CADPS: variants seen among roughly 807,000 people sequenced by gnomAD.
The protein encoded by CADPS is calcium-dependent secretion activator 1.
In CADPS, 57 loss-of-function variants were observed where a neutral mutation model predicts 167.3. That is an observed-to-expected ratio of 0.34 (90% confidence interval 0.28 to 0.42). The LOEUF (loss-of-function observed/expected upper bound fraction) is 0.42, where lower values mean the gene tolerates loss of function less well. CADPS is among the 20% of genes least tolerant of loss of function. The pLI, the probability that CADPS is intolerant of heterozygous loss-of-function variation, is 1.00. For missense variants in CADPS, 1,414 were observed against 1,738.1 expected (o/e 0.81, Z 3.32); for synonymous variants, 676 against 635.3 (o/e 1.06, Z -0.96).
intron 3 of CADPS, among the ~76,000 whole-genome samples, chr3:62,674,237 G>A (rs766157852): frequency 7.2e-5 from 11 of 152,082 alleles, no homozygotes; most frequent in Non-Finnish European, 1.2e-4. Flanking sequence ...TTAAAACTGA[G>A]GTGAATTAAT....
chr3:62,442,315 G>A (rs1162174084), intron 27 of CADPS, among the ~76,000 whole-genome samples: 1 of 151,496 alleles, frequency 6.6e-6, no homozygotes, highest in East Asian at 2.0e-4. Flanking sequence ...AGGTTCAAGT[G>A]ATTCTCCTGC....
intron 3 of CADPS, among the ~76,000 whole-genome samples, chr3:62,701,092 T>C (rs1348096164): frequency 6.6e-6 from 1 of 151,968 alleles, no homozygotes; most frequent in Non-Finnish European, 1.5e-5. Flanking sequence ...CCTAATTATC[T>C]CCCAAAGGCC....
At chr3:62,749,017 TCAACTCAAATAGCTA>T (rs139333263) in intron 3 of CADPS, among the ~76,000 whole-genome samples, 2,625 of 152,312 alleles carry the variant, frequency 0.017, 82 homozygotes, top group African/African-American at 0.059. Context: ...CCTTTAGAAT[TCAACTCAAATAGCTA>T]CATAATTGAC....
intron 17 of CADPS, among the ~76,000 whole-genome samples, chr3:62,500,889 A>G (rs147508197): frequency 4.4e-4 from 67 of 152,324 alleles, no homozygotes; most frequent in African/African-American, 1.3e-3. Context: ...AGGATTTAAT[A>G]ATGAAAAATA....
intron 1 of CADPS, among the ~76,000 whole-genome samples, chr3:62,784,080 T>G (rs894426869): frequency 6.6e-6 from 1 of 152,200 alleles, no homozygotes; most frequent in African/African-American, 2.4e-5. Flanking sequence ...ATGATGACGC[T>G]TATCTTACCG....
intron 26 of CADPS, among the ~76,000 whole-genome samples, chr3:62,456,573 A>T (rs942074998): frequency 2.0e-5 from 3 of 152,168 alleles, no homozygotes; most frequent in Admixed American, 2.0e-4. Context: ...TGAAAAGAGA[A>T]TTAGAAAAAT....
At chr3:62,750,931 C>T (rs150888431) in intron 3 of CADPS, among the ~76,000 whole-genome samples, 217 of 152,164 alleles carry the variant, frequency 1.4e-3, no homozygotes, top group African/African-American at 4.8e-3. Context: ...TCCATTTTTT[C>T]ACTATCATAT....
intron 1 of CADPS, among the ~76,000 whole-genome samples, chr3:62,783,879 G>C (rs1351464852): frequency 2.0e-5 from 3 of 152,064 alleles, no homozygotes; most frequent in Non-Finnish European, 1.5e-5. Context: ...CTGAGAGAAG[G>C]AGAGAAATAC....
At position 62,465,559 on chromosome 3, in the gene CADPS, T is replaced by C. The variant is rs929453886; in HGVS notation, c.3553-109A>G. The C allele has an allele frequency of 1.5e-6, 1 of 657,400 alleles. No homozygotes were observed. The highest frequency in any genetic ancestry group is 2.8e-5 in the Admixed American group (1 of 35,438). 40.7% of individuals were successfully genotyped at this position (657,400 alleles called of 1,614,324 possible). On this transcript the variant is annotated intron_variant, in intron 25 of 29. Coordinates refer to ENST00000383710, the MANE Select transcript of CADPS (RefSeq NM_003716.4). This position sits in a 1 kb window ranked among gnomAD's most constrained non-coding sequence, Gnocchi z 4.1. ...AGGCTGGGATCGAGCCCTCCGTTCATTTCTGCAGTCTATTATTTGATTCCC... is the reference window on the plus strand; with the variant it reads ...AGGCTGGGATCGAGCCCTCCGTTCACTTCTGCAGTCTATTATTTGATTCCC...
chr3:62,783,282 C>CT (rs76514617), intron 1 of CADPS, among the ~76,000 whole-genome samples: 312 of 144,730 alleles, frequency 2.2e-3, no homozygotes, highest in Admixed American at 4.1e-3. Context: ...TGCACCTCAA[C>CT]TTTTTTTTTT....
intron 1 of CADPS, among the ~76,000 whole-genome samples, chr3:62,832,045 G>C (rs2075180110): frequency 6.6e-6 from 1 of 152,164 alleles, no homozygotes; most frequent in Non-Finnish European, 1.5e-5. Flanking sequence ...TCCTTAAGAA[G>C]CTTACATTTC....
At chr3:62,461,195 A>T (rs1187483847) in intron 26 of CADPS, among the ~76,000 whole-genome samples, 6 of 152,260 alleles carry the variant, frequency 3.9e-5, no homozygotes, top group Admixed American at 2.0e-4. Context: ...GGAAAAATAC[A>T]TTTAAAGCAC....
chr3:62,867,624 A>G (rs2081940292), intron 1 of CADPS, among the ~76,000 whole-genome samples: 3 of 152,182 alleles, frequency 2.0e-5, no homozygotes, highest in Non-Finnish European at 4.4e-5. Flanking sequence ...TTAGTTCACC[A>G]AACTCCTCCA....
intron 1 of CADPS, among the ~76,000 whole-genome samples, chr3:62,858,858 TAAA>T (rs977498090): frequency 5.3e-5 from 8 of 152,238 alleles, no homozygotes; most frequent in Admixed American, 4.6e-4. Context: ...AATTTGCAAA[TAAA>T]AAAATTACTG....
At position 62,512,020 on chromosome 3, in the gene CADPS, C is replaced by T. The variant is rs534709086; in HGVS notation, c.2599+731G>A. Among the ~76,000 whole-genome samples the T allele has an allele frequency of 5.3e-5, 8 of 152,220 alleles. No individual in the cohort carries two copies. In the South Asian group the frequency reaches 1.7e-3, roughly 32 times the overall value. Reference sequence around the variant, plus strand: ...ATTGCAGCCCTATGCTTGGAATGTGCTCAGGAATGCTTTCTGAAATGTTTT... The same window carrying T: ...ATTGCAGCCCTATGCTTGGAATGTGTTCAGGAATGCTTTCTGAAATGTTTT... On this transcript the variant is annotated intron_variant, in intron 17 of 29. Coordinates refer to ENST00000383710, the MANE Select transcript of CADPS (RefSeq NM_003716.4).
chr3:62,615,298 C>A (rs1298360438), intron 6 of CADPS, among the ~76,000 whole-genome samples: 1 of 152,096 alleles, frequency 6.6e-6, no homozygotes, highest in Admixed American at 6.6e-5. Context: ...TCAATGGGCA[C>A]ATTGGAACAG....
intron 7 of CADPS, among the ~76,000 whole-genome samples, chr3:62,591,287 A>G (rs984129181): frequency 1.4e-4 from 21 of 152,156 alleles, no homozygotes; most frequent in African/African-American, 3.9e-4. Flanking sequence ...ATGTCTGTCA[A>G]TTCTGTTTCT....
At chr3:62,645,057 T>C (rs2068239437) in intron 6 of CADPS, among the ~76,000 whole-genome samples, 1 of 152,150 alleles carries the variant, frequency 6.6e-6, no homozygotes, top group Admixed American at 6.5e-5. Flanking sequence ...ACATACTACC[T>C]TGCTAATACA....
intron 3 of CADPS, among the ~76,000 whole-genome samples, chr3:62,740,327 G>A (rs547535099): frequency 3.3e-5 from 5 of 152,132 alleles, no homozygotes; most frequent in Non-Finnish European, 7.4e-5. Context: ...GTCTGCTGAC[G>A]GCCCACTCAC....
Sources: allele counts gnomAD v4.1 joint callset (sites outside exome capture counted in the v4.1 genomes callset), GRCh38; gene constraint gnomAD v4.1.1; non-coding constraint Gnocchi (gnomAD v3.1); transcripts MANE v1.5; gene names NCBI Gene and HGNC (gene_info 2026-07-23, HGNC 2026-07-21).